The following HPSE2 variants were observed in gnomAD, a reference collection of about 807,000 sequenced individuals.
The protein encoded by HPSE2 is inactive heparanase-2.
Under a neutral mutation model 60.5 loss-of-function variants are expected in HPSE2, and 38 were observed. The ratio of observed to expected loss-of-function variants is 0.63; its 90% CI spans 0.48 to 0.82. The LOEUF is 0.82. Ranked by LOEUF, HPSE2 falls within the 40% of genes least tolerant of loss-of-function variation. The pLI is 0.00. For synonymous variants in HPSE2, 295 were observed against 293.2 expected, an observed-to-expected ratio of 1.01 and a Z score of -0.06; for missense variants, 713 against 740.4, an observed-to-expected ratio of 0.96 and a Z score of 0.43.
At chr10:98,873,729 C>T (rs564418736) in intron 3 of HPSE2, among the ~76,000 whole-genome samples, 2 of 151,966 alleles carry the variant, frequency 1.3e-5, no homozygotes, top group South Asian at 4.2e-4. Flanking sequence ...GGGTATATAC[C>T]AGTAATGGGA....
chr10:98,781,355 G>A (rs1950465058), intron 3 of HPSE2, among the ~76,000 whole-genome samples: 1 of 134,908 alleles, frequency 7.4e-6, no homozygotes, highest in South Asian at 2.3e-4. Flanking sequence ...AAGCACAAAT[G>A]AAAAAGAACT....
At chr10:98,857,444 C>A (rs940498760) in intron 3 of HPSE2, among the ~76,000 whole-genome samples, 10 of 152,162 alleles carry the variant, frequency 6.6e-5, no homozygotes, top group African/African-American at 2.4e-4. Context: ...TCTTCTAGAG[C>A]TGGAAATATC....
At chr10:99,058,520 T>C (rs1344175290) in intron 3 of HPSE2, among the ~76,000 whole-genome samples, 1 of 152,116 alleles carries the variant, frequency 6.6e-6, no homozygotes, top group Non-Finnish European at 1.5e-5. Flanking sequence ...AATTTCCCAA[T>C]ACCAGCCAAC....
Position 98,464,306 on chromosome 10 carries a change from G to T in HPSE2, c.1614-4567C>A, listed in dbSNP as rs77019542. ...CAATTACTATAATGTGGAAGACCGT[G>T]ACATTTGTTGACATTTAAAAGGAAC... is the stretch of plus-strand genomic sequence containing the variant. On this transcript the variant is annotated intron_variant, in intron 11 of 11. Transcript: ENST00000370552. 3.5e-3 allele frequency among the ~76,000 whole-genome samples: 532 copies of T among 152,264 alleles called. 6 individuals carry two copies. Among genetic ancestry groups the T allele is most frequent in the African/African-American group, 0.012 (515 of 41,552 alleles).
intron 3 of HPSE2, among the ~76,000 whole-genome samples, chr10:99,078,487 T>C (rs1321423442): frequency 6.6e-6 from 1 of 152,232 alleles, no homozygotes; most frequent in Non-Finnish European, 1.5e-5. Context: ...TGTTATATTA[T>C]TTAGGGAATA....
intron 11 of HPSE2, among the ~76,000 whole-genome samples, chr10:98,464,246 A>G (rs1005116210): frequency 1.3e-5 from 2 of 152,220 alleles, no homozygotes; most frequent in Admixed American, 6.5e-5. Flanking sequence ...GGAGGGAGGT[A>G]TCATGTACTT....
At chr10:99,140,570 G>T (rs1845831352) in intron 3 of HPSE2, among the ~76,000 whole-genome samples, 1 of 152,134 alleles carries the variant, frequency 6.6e-6, no homozygotes, top group African/African-American at 2.4e-5. Flanking sequence ...CAAAATCCTA[G>T]AAATGTTATT....
At chr10:98,545,299 T>C (rs1453912982) in intron 9 of HPSE2, among the ~76,000 whole-genome samples, 1 of 152,120 alleles carries the variant, frequency 6.6e-6, no homozygotes, top group Non-Finnish European at 1.5e-5. Flanking sequence ...CCCTAACTCA[T>C]TTTATGAGGC....
chr10:99,036,920 G>A (rs1957622098), intron 3 of HPSE2, among the ~76,000 whole-genome samples: 1 of 152,052 alleles, frequency 6.6e-6, no homozygotes, highest in Non-Finnish European at 1.5e-5. Context: ...TCAAAGAAAG[G>A]GGAAAATTGT....
chr10:98,693,616 A>G (rs1181047100), intron 6 of HPSE2, among the ~76,000 whole-genome samples: 1 of 152,248 alleles, frequency 6.6e-6, no homozygotes, highest in Non-Finnish European at 1.5e-5. Context: ...TCAGATCCCC[A>G]TTACCTGTTC....
At chr10:99,060,266 G>A (rs962479347) in intron 3 of HPSE2, among the ~76,000 whole-genome samples, 1 of 152,130 alleles carries the variant, frequency 6.6e-6, no homozygotes, top group Non-Finnish European at 1.5e-5. Context: ...AAGCTTAGAA[G>A]AGGTGGAGCA....
rs1554950578 is a variant in HPSE2 at position 98,600,926 on chromosome 10, T to TATATATATATATATATATATA, written c.1320+13977_1320+13978insTATATATATATATATATATAT. On this transcript the variant is annotated intron_variant, in intron 9 of 11. Transcript: ENST00000370552. ...ATGTGTGTGTGTATATATATATATA[T>TATATATATATATATATATATA]ATATATATATATATAGAAAGAGAGA... Among the ~76,000 whole-genome samples, 25 of 107,896 alleles carry TATATATATATATATATATATA rather than the reference T, an allele frequency of 2.3e-4. 1 individual carries two copies. The highest frequency in any genetic ancestry group is 9.1e-4 in the Admixed American group (9 of 9,944). The allele number at this position is 107,896 out of a possible 152,430, so 70.8% of individuals were successfully genotyped here.
chr10:98,870,204 CCT>C lies in HPSE2; in HGVS notation c.611-126150_611-126149del, dbSNP rs143849230. On this transcript the variant is annotated intron_variant, in intron 3 of 11. Coordinates refer to ENST00000370552, the MANE Select transcript of HPSE2 (RefSeq NM_021828.5). ...ATTGAACCCAGGAATCCAGTGTTTT[CCT>C]CTTTTATTACATTGCCTTTCAATGA... Among the ~76,000 whole-genome samples, 72 of 152,220 alleles carry C rather than the reference CCT, an allele frequency of 4.7e-4. No homozygotes were observed. The East Asian group carries it at 0.013, about 27-fold the overall frequency.
intron 3 of HPSE2, among the ~76,000 whole-genome samples, chr10:98,756,483 G>C (rs929505366): frequency 6.6e-6 from 1 of 151,496 alleles, no homozygotes; most frequent in Non-Finnish European, 1.5e-5. Flanking sequence ...ATGACAAAGG[G>C]GACATTACCA....
chr10:99,229,526 A>G (rs1325876515), intron 2 of HPSE2, among the ~76,000 whole-genome samples: 1 of 152,230 alleles, frequency 6.6e-6, no homozygotes, highest in Non-Finnish European at 1.5e-5. Flanking sequence ...AGTCAAAAAA[A>G]TAACTTACAA....
chr10:99,015,132 C>T (rs529525438), intron 3 of HPSE2, among the ~76,000 whole-genome samples: 2 of 151,892 alleles, frequency 1.3e-5, no homozygotes, highest in African/African-American at 2.4e-5. Flanking sequence ...CATCTCACAC[C>T]AGTTAGAATG....
intron 2 of HPSE2, among the ~76,000 whole-genome samples, chr10:99,222,266 T>C (rs1849339785): frequency 6.6e-6 from 1 of 152,154 alleles, no homozygotes; most frequent in Non-Finnish European, 1.5e-5. Context: ...AGCCATTTAC[T>C]AGTACAGTTA....
At chr10:98,792,646 A>G (rs979485172) in intron 3 of HPSE2, among the ~76,000 whole-genome samples, 2 of 152,076 alleles carry the variant, frequency 1.3e-5, no homozygotes, top group Non-Finnish European at 1.5e-5. Context: ...CCTACAAAAA[A>G]AAAAAAAAAA....
intron 3 of HPSE2, among the ~76,000 whole-genome samples, chr10:98,808,518 T>G (rs1027615898): frequency 1.3e-5 from 2 of 152,138 alleles, no homozygotes; most frequent in African/African-American, 4.8e-5. Context: ...TTTTAGGAAT[T>G]AAGTGAGAGT....
Sources: gnomAD v4.1 joint callset for allele counts (sites outside exome capture counted in the v4.1 genomes callset) on GRCh38, gnomAD v4.1.1 for gene constraint, MANE v1.5 for transcripts, NCBI Gene and HGNC (gene_info 2026-07-23, HGNC 2026-07-21) for gene names.